The following IGF2BP2 variants were observed in gnomAD, a reference collection of about 807,000 sequenced individuals.
IGF2BP2 encodes insulin-like growth factor 2 mRNA-binding protein 2.
Under a neutral mutation model 75.8 loss-of-function variants are expected in IGF2BP2, and 17 were observed. The ratio of observed to expected loss-of-function variants is 0.22; its 90% CI spans 0.15 to 0.34. The LOEUF (loss-of-function observed/expected upper bound fraction) is 0.34, where lower values mean the gene tolerates loss of function less well. Ranked by LOEUF, IGF2BP2 falls within the 10% of genes least tolerant of loss-of-function variation. The pLI is 1.00. For missense variants in IGF2BP2, 516 were observed against 772.4 expected (o/e 0.67, Z 3.93); for synonymous variants, 288 against 295.6 (o/e 0.97, Z 0.26).
At chr3:185,666,007 T>C (rs1577882575) in intron 10 of IGF2BP2, among the ~76,000 whole-genome samples, 1 of 76,708 alleles carries the variant, frequency 1.3e-5, no homozygotes, top group African/African-American at 4.2e-5. Flanking sequence ...GGTACATAGA[T>C]AGATAGATAG....
chr3:185,658,476 C>G lies in IGF2BP2; in HGVS notation c.1201-67G>C, dbSNP rs1577841923. 18 of 1,371,930 alleles carry G rather than the reference C, an allele frequency of 1.3e-5. 1 individual carries two copies. The South Asian group carries it at 2.2e-4, about 17-fold the overall frequency. The allele number at this position is 1,371,930 out of a possible 1,614,324, so 85.0% of individuals were successfully genotyped here. A position where few individuals can be genotyped will look rare whatever the true frequency, so the allele number is the denominator to read the frequency against. Reference sequence around the variant, plus strand: ...GGACTGTCACTGGCCTCAGGGAGGCCAGATTCCCAACATGCGACACAGGCT... The same window carrying G: ...GGACTGTCACTGGCCTCAGGGAGGCGAGATTCCCAACATGCGACACAGGCT... On this transcript the variant is annotated intron_variant, in intron 10 of 15. Transcript: ENST00000382199.
At chr3:185,708,319 C>A (rs1299287962) in intron 2 of IGF2BP2, among the ~76,000 whole-genome samples, 2 of 152,122 alleles carry the variant, frequency 1.3e-5, no homozygotes, top group African/African-American at 4.8e-5. Flanking sequence ...GTCAAGATGT[C>A]CCCCTCCACT....
intron 2 of IGF2BP2, among the ~76,000 whole-genome samples, chr3:185,736,013 A>T (rs1294490052): frequency 6.6e-6 from 1 of 152,236 alleles, no homozygotes; most frequent in African/African-American, 2.4e-5. Context: ...GGACCACTCC[A>T]GTAAGGCTAA....
chr3:185,731,550 G>A (rs1008523687), intron 2 of IGF2BP2, among the ~76,000 whole-genome samples: 2 of 152,038 alleles, frequency 1.3e-5, no homozygotes, highest in Non-Finnish European at 2.9e-5. Context: ...GCTGCACCAG[G>A]TCTGCATCAC....
intron 2 of IGF2BP2, among the ~76,000 whole-genome samples, chr3:185,796,380 T>C (rs1369638996): frequency 6.6e-6 from 1 of 151,632 alleles, no homozygotes; most frequent in Non-Finnish European, 1.5e-5. Flanking sequence ...CTGGCAAACA[T>C]GGTGAAACCC....
chr3:185,706,694 C>T (rs1385416250), intron 2 of IGF2BP2, among the ~76,000 whole-genome samples: 11 of 151,604 alleles, frequency 7.3e-5, no homozygotes, highest in Admixed American at 7.2e-4. Context: ...GAAACCATCA[C>T]GCACTGTTCT....
chr3:185,664,494 G>T (rs568889040), intron 10 of IGF2BP2, among the ~76,000 whole-genome samples: 2 of 152,154 alleles, frequency 1.3e-5, no homozygotes, highest in African/African-American at 4.8e-5. Context: ...CAAATGACCC[G>T]AGTGAATTAA....
intron 2 of IGF2BP2, among the ~76,000 whole-genome samples, chr3:185,745,579 C>A (rs978190354): frequency 2.0e-5 from 3 of 152,150 alleles, no homozygotes; most frequent in Non-Finnish European, 4.4e-5. Flanking sequence ...CAAGAGACGG[C>A]AAGAATGCCT....
rs923616318 is a variant in IGF2BP2 at position 185,758,083 on chromosome 3, G to T, written c.240-59736C>A. ...TTGCCTTAGGCACTGAGAGCACTTT[G>T]TGAAACTCTGATCACAACAGGACAA... On this transcript the variant is annotated intron_variant, in intron 2 of 15. Transcript: ENST00000382199. Among the ~76,000 whole-genome samples, 10 of 152,346 alleles carry T rather than the reference G, an allele frequency of 6.6e-5. No homozygotes were observed. The East Asian group carries it at 1.9e-3, about 29-fold the overall frequency.
chr3:185,725,942 C>T (rs1727263608), intron 2 of IGF2BP2, among the ~76,000 whole-genome samples: 1 of 152,146 alleles, frequency 6.6e-6, no homozygotes, highest in African/African-American at 2.4e-5. Context: ...ACAGCCTGCA[C>T]ATCAGGGTGA....
At chr3:185,757,525 C>T (rs2149675449) in intron 2 of IGF2BP2, among the ~76,000 whole-genome samples, 1 of 140,062 alleles carries the variant, frequency 7.1e-6, no homozygotes, top group Non-Finnish European at 1.5e-5. Flanking sequence ...AGTGCAGTGG[C>T]ACGATCATGG....
At chr3:185,656,110 G>A (rs544505643) in intron 12 of IGF2BP2, among the ~76,000 whole-genome samples, 2 of 152,228 alleles carry the variant, frequency 1.3e-5, no homozygotes, top group Admixed American at 6.5e-5. Flanking sequence ...TTCTCCTGCC[G>A]GCATCTCAGA....
chr3:185,679,039 G>GC, intron 7 of IGF2BP2, among the ~76,000 whole-genome samples: 1 of 152,078 alleles, frequency 6.6e-6, no homozygotes, highest in Non-Finnish European at 1.5e-5. Flanking sequence ...TCTCTTGTAG[G>GC]CCACATACAG....
chr3:185,735,416 G>A (rs1190369989), intron 2 of IGF2BP2, among the ~76,000 whole-genome samples: 1 of 152,166 alleles, frequency 6.6e-6, no homozygotes, highest in Non-Finnish European at 1.5e-5. Flanking sequence ...AAAGTGCTGG[G>A]ATTACAGGCA....
intron 2 of IGF2BP2, among the ~76,000 whole-genome samples, chr3:185,700,574 T>C (rs1723153527): frequency 6.6e-6 from 1 of 152,200 alleles, no homozygotes; most frequent in African/African-American, 2.4e-5. Context: ...CTATGGAAGA[T>C]GTCACCAAGC....
At chr3:185,763,704 T>C (rs1003979002) in intron 2 of IGF2BP2, among the ~76,000 whole-genome samples, 2 of 152,206 alleles carry the variant, frequency 1.3e-5, no homozygotes, top group African/African-American at 4.8e-5. Flanking sequence ...ACAGCCAAGG[T>C]ATACTAGACT....
intron 10 of IGF2BP2, among the ~76,000 whole-genome samples, chr3:185,665,572 A>G (rs1276595908): frequency 7.7e-5 from 11 of 143,410 alleles, no homozygotes; most frequent in East Asian, 6.3e-4. Context: ...GGAGAAGGAG[A>G]AGAAGGAGAA....
intron 4 of IGF2BP2, 87 bp downstream of exon 4, chr3:185,696,525 A>G (rs1042027164): frequency 2.8e-6 from 3 of 1,089,258 alleles, no homozygotes; most frequent in Non-Finnish European, 4.2e-6. Flanking sequence ...ATATGAACTT[A>G]CTATTTCTCC....
intron 2 of IGF2BP2, among the ~76,000 whole-genome samples, chr3:185,781,363 G>T (rs907602781): frequency 6.6e-6 from 1 of 152,152 alleles, no homozygotes; most frequent in African/African-American, 2.4e-5. Context: ...AGGAAAGGAA[G>T]AATCTAGTTG....
Sources: gnomAD v4.1 joint callset for allele counts (sites outside exome capture counted in the v4.1 genomes callset) on GRCh38, gnomAD v4.1.1 for gene constraint, MANE v1.5 for transcripts, NCBI Gene and HGNC (gene_info 2026-07-23, HGNC 2026-07-21) for gene names.